Variants in ZNF12 observed in about 807,000 individuals in gnomAD.
ZNF12 encodes gonadotropin inducible transcription repressor 3.
Under a neutral mutation model 66.6 loss-of-function variants are expected in ZNF12, and 34 were observed. The ratio of observed to expected loss-of-function variants is 0.51; its 90% CI spans 0.39 to 0.68. ZNF12 has a LOEUF of 0.68. ZNF12 is among the 30% of genes least tolerant of loss of function. The probability of loss-of-function intolerance (pLI) is 0.00; values close to 1 mark genes in which losing one functional copy is unlikely to be tolerated. For synonymous variants in ZNF12, 320 were observed against 278.9 expected (o/e 1.15, Z -1.47); for missense variants, 697 against 826.9 (o/e 0.84, Z 1.93).
In ZNF12 at chr7:6,697,912, C is replaced by A. The variant is rs751519900; in HGVS notation, c.16-101G>T. On this transcript the variant is annotated intron_variant, in intron 2 of 4. Coordinates refer to ENST00000405858, the MANE Select transcript of ZNF12 (RefSeq NM_016265.4). The surrounding 1 kb of genome is among the most constrained non-coding windows in gnomAD (Gnocchi z 6.1). ...CAAAATTAACCATGAACACTGTATA[C>A]CTTTATTTTATGTTACAGACTGTCA... 2.3e-6 allele frequency: 3 copies of A among 1,291,786 alleles called. No homozygotes were observed. The highest frequency in any genetic ancestry group is 2.4e-5 in the South Asian group (2 of 84,540). The allele number at this position is 1,291,786 out of a possible 1,614,324, so 80.0% of individuals were successfully genotyped here. A position where few individuals can be genotyped will look rare whatever the true frequency, so the allele number is the denominator to read the frequency against.
At position 6,697,235 on chromosome 7, in the gene ZNF12, T is replaced by C; in HGVS notation, c.238+104A>G. 1 of 804,868 alleles carries C rather than the reference T, an allele frequency of 1.2e-6. No homozygotes were observed. Among genetic ancestry groups the C allele is most frequent in the Non-Finnish European group, 2.0e-6 (1 of 509,878 alleles). 49.9% of individuals were successfully genotyped at this position (804,868 alleles called of 1,614,324 possible). Reference sequence around the variant, plus strand: ...GTGAGATTCAGGTTCATAGAGCATATAAGCAACTATTTCTAGTCACTTCTA... The same window carrying C: ...GTGAGATTCAGGTTCATAGAGCATACAAGCAACTATTTCTAGTCACTTCTA... On this transcript the variant is annotated intron_variant, in intron 4 of 4. Transcript: ENST00000405858. The surrounding 1 kb of genome is among the most constrained non-coding windows in gnomAD (Gnocchi z 6.1).
At position 6,692,331 on chromosome 7, in the gene ZNF12, T is replaced by A. The variant is rs765953030; in HGVS notation, c.611A>T (p.Glu204Val). 6.2e-7 allele frequency: 1 copy of A among 1,609,738 alleles called. No individual in the cohort carries two copies. The highest frequency in any genetic ancestry group is 2.2e-5 in the East Asian group (1 of 44,848). Residue 204 changes from glutamate to valine, a missense_variant, in exon 5 of 5, where the codon GAA (glutamate) becomes GTA (valine). Physicochemically the swap from Glu to Val is moderately radical, Grantham distance 121. Transcript: ENST00000405858. The surrounding 1 kb of genome is among the most constrained non-coding windows in gnomAD (Gnocchi z 5.1). Reference protein sequence around the residue: ...QNGEPYTLNEESLYQKIRILE... With the variant: ...QNGEPYTLNEVSLYQKIRILE... Reference sequence around the variant, plus strand: ...AATACGAATTTTCTGATAAAGACTTTCTTCATTTAGAGTATAAGGTTCCCC... The same window carrying A: ...AATACGAATTTTCTGATAAAGACTTACTTCATTTAGAGTATAAGGTTCCCC...
At chr7:6,700,289 GA>G (rs71539971) in intron 2 of ZNF12, among the ~76,000 whole-genome samples, 8,442 of 119,194 alleles carry the variant, frequency 0.071, 679 homozygotes, top group East Asian at 0.3. Flanking sequence ...CGTCTGAGAG[GA>G]AAAAAAAAAA....
rs530042907 is a variant in ZNF12, at chr7:6,706,529, C to G, written c.-148G>C. 2 of 471,702 alleles carry G rather than the reference C, an allele frequency of 4.2e-6. No homozygotes were observed. Among genetic ancestry groups the G allele is most frequent in the African/African-American group, 4.0e-5 (2 of 50,510 alleles). 29.2% of individuals were successfully genotyped at this position (471,702 alleles called of 1,614,324 possible). ...GTCTGCTCGCGAGGTCCCTTCCTGT[C>G]CACCTCACCAAGGCCGTTCTGCTCC... On this transcript the variant is annotated 5_prime_UTR_variant, in exon 1 of 5. Coordinates refer to ENST00000405858, the MANE Select transcript of ZNF12 (RefSeq NM_016265.4).
chr7:6,695,822 T>C (rs1350408152), intron 4 of ZNF12, among the ~76,000 whole-genome samples: 1 of 151,706 alleles, frequency 6.6e-6, no homozygotes, highest in Non-Finnish European at 1.5e-5. Context: ...CAGGGAGGGG[T>C]TGAAGATTTG....
chr7:6,699,885 C>T (rs1312768020), intron 2 of ZNF12, among the ~76,000 whole-genome samples: 1 of 152,048 alleles, frequency 6.6e-6, no homozygotes, highest in African/African-American at 2.4e-5. Context: ...GTAAAGAGAC[C>T]ACATATATCT....
rs1780163825 is a variant in ZNF12, at chr7:6,696,981, A to C, written c.238+358T>G. ...GCACGGTAAAGATTAAAAAAAAAAAACCAGAAGTTACACGAAGAACACAAG... is the reference window on the plus strand; with the variant it reads ...GCACGGTAAAGATTAAAAAAAAAAACCCAGAAGTTACACGAAGAACACAAG... On this transcript the variant is annotated intron_variant, in intron 4 of 4. Transcript: ENST00000405858. This position sits in a 1 kb window ranked among gnomAD's most constrained non-coding sequence, Gnocchi z 4.0. 6.6e-6 allele frequency among the ~76,000 whole-genome samples: 1 copy of C among 151,814 alleles called. No individual in the cohort carries two copies. Among genetic ancestry groups the C allele is most frequent in the African/African-American group, 2.4e-5 (1 of 41,262 alleles).
In ZNF12 at chr7:6,692,902, C is replaced by T. The variant is rs927983304; in HGVS notation, c.239-199G>A. ...ACACACACAAACACACACACACACACACATCCCCCTCTAGGAATGGAGAAA... is the reference window on the plus strand; with the variant it reads ...ACACACACAAACACACACACACACATACATCCCCCTCTAGGAATGGAGAAA... On this transcript the variant is annotated intron_variant, in intron 4 of 4. Transcript: ENST00000405858. The surrounding 1 kb of genome is among the most constrained non-coding windows in gnomAD (Gnocchi z 5.1). Among the ~76,000 whole-genome samples, 5 of 152,096 alleles carry T rather than the reference C, an allele frequency of 3.3e-5. No homozygotes were observed. The highest frequency in any genetic ancestry group is 6.6e-5 in the Admixed American group (1 of 15,264).
intron 4 of ZNF12, among the ~76,000 whole-genome samples, chr7:6,693,811 C>G (rs1780112272): frequency 1.3e-5 from 2 of 152,206 alleles, no homozygotes; most frequent in South Asian, 4.1e-4. Flanking sequence ...ATACTACCAT[C>G]ACTTAATTCT....
In ZNF12 at chr7:6,696,223, G is replaced by T. The variant is rs554334597; in HGVS notation, c.238+1116C>A. ...AAACTGAGGATATACAGAGGACAAT[G>T]AAGACATTTCACACTGGACAAAATC... On this transcript the variant is annotated intron_variant, in intron 4 of 4. Coordinates refer to ENST00000405858, the MANE Select transcript of ZNF12 (RefSeq NM_016265.4). This position sits in a 1 kb window ranked among gnomAD's most constrained non-coding sequence, Gnocchi z 4.0. Among the ~76,000 whole-genome samples, 2 of 152,310 alleles carry T rather than the reference G, an allele frequency of 1.3e-5. No homozygotes were observed. The highest frequency in any genetic ancestry group is 2.9e-5 in the Non-Finnish European group (2 of 68,020).
rs187392885 is a variant in ZNF12, at chr7:6,689,060, C to A, written c.*1788G>T. 1 of 152,670 alleles carries A rather than the reference C, an allele frequency of 6.6e-6. No homozygotes were observed. The highest frequency in any genetic ancestry group is 1.9e-4 in the East Asian group (1 of 5,190). 9.5% of individuals were successfully genotyped at this position (152,670 alleles called of 1,614,324 possible). On this transcript the variant is annotated 3_prime_UTR_variant, in exon 5 of 5. Coordinates refer to ENST00000405858, the MANE Select transcript of ZNF12 (RefSeq NM_016265.4). ...TAAATGACTTACCTAAAGTCCACTT[C>A]TGAACTGCATAACTCCTATAAAGGT...
rs549649496 is a variant in ZNF12, at chr7:6,697,983, A to G, written c.16-172T>C. ...AAATACACTGTTCTGGGGTTCATTC[A>G]GTATACATCAAACAAAAAACAAAAA... On this transcript the variant is annotated intron_variant, in intron 2 of 4. Coordinates refer to ENST00000405858, the MANE Select transcript of ZNF12 (RefSeq NM_016265.4). The surrounding 1 kb of genome is among the most constrained non-coding windows in gnomAD (Gnocchi z 6.1). The G allele has an allele frequency of 6.0e-5, 53 of 890,312 alleles. No individual in the cohort carries two copies. In the East Asian group the frequency reaches 1.2e-3, roughly 21 times the overall value. The allele number at this position is 890,312 out of a possible 1,614,324, so 55.2% of individuals were successfully genotyped here. A position where few individuals can be genotyped will look rare whatever the true frequency, so the allele number is the denominator to read the frequency against.
intron 2 of ZNF12, among the ~76,000 whole-genome samples, chr7:6,702,253 C>A (rs975881126): frequency 2.0e-5 from 3 of 149,418 alleles, no homozygotes; most frequent in Middle Eastern, 3.2e-3. Context: ...TCCTCCTTCT[C>A]TACCAGACTG....
At chr7:6,702,643 A>C (rs146252449) in intron 2 of ZNF12, among the ~76,000 whole-genome samples, 4 of 4 alleles carry the variant, frequency 1, 2 homozygotes, top group Non-Finnish European at 1. Flanking sequence ...CTCCCAAACT[A>C]CACACACACA....
chr7:6,701,485 CAGTA>C (rs1481234214), intron 2 of ZNF12, among the ~76,000 whole-genome samples: 1 of 152,108 alleles, frequency 6.6e-6, no homozygotes, highest in East Asian at 1.9e-4. Context: ...TGAGAAACAC[CAGTA>C]TCATGACACA....
chr7:6,691,640 C>T lies in ZNF12; in HGVS notation c.1302G>A (p.Glu434=), dbSNP rs761801410. The part of the protein sequence containing the change: ...LTTHLRTHTG[E]KPYECNECGK... The stretch of plus-strand genomic sequence containing the variant: ...CACACTCATTACATTCATACGGTTT[C>T]TCTCCTGTGTGGGTCCTCAGGTGGG... Residue 434 remains glutamate, a synonymous_variant, in exon 5 of 5, where the codon GAG becomes GAA. Coordinates refer to ENST00000405858, the MANE Select transcript of ZNF12 (RefSeq NM_016265.4). The T allele has an allele frequency of 1.9e-6, 3 of 1,614,050 alleles. No individual in the cohort carries two copies. In the Admixed American group the frequency reaches 5.0e-5, roughly 27 times the overall value.
rs3839710 is a variant in ZNF12 at position 6,692,886 on chromosome 7, AAC to A, written c.239-185_239-184del. Among the ~76,000 whole-genome samples the A allele has an allele frequency of 9.1e-4, 137 of 149,818 alleles. 3 individuals are homozygous for A. The highest frequency in any genetic ancestry group is 6.5e-3 in the Admixed American group (98 of 15,024). ...TTTTGCTTAAAATTACACACACACA[AAC>A]ACACACACACACACACATCCCCCTC... On this transcript the variant is annotated intron_variant, in intron 4 of 4. Transcript: ENST00000405858. The surrounding 1 kb of genome is among the most constrained non-coding windows in gnomAD (Gnocchi z 5.1).
At chr7:6,699,527 G>A (rs554919473) in intron 2 of ZNF12, among the ~76,000 whole-genome samples, 2 of 152,246 alleles carry the variant, frequency 1.3e-5, no homozygotes, top group African/African-American at 4.8e-5. Context: ...AGCAGGTGAT[G>A]AGAACTTCCT....
chr7:6,694,804 C>T (rs1309885006), intron 4 of ZNF12, among the ~76,000 whole-genome samples: 3 of 152,104 alleles, frequency 2.0e-5, no homozygotes, highest in African/African-American at 7.2e-5. Flanking sequence ...ACCTCAATTC[C>T]ATTTCCCCTT....
Sources: gnomAD v4.1 joint callset for allele counts (sites outside exome capture counted in the v4.1 genomes callset) on GRCh38, gnomAD v4.1.1 for gene constraint, Gnocchi (gnomAD v3.1) non-coding constraint, MANE v1.5 for transcripts, NCBI Gene and HGNC (gene_info 2026-07-23, HGNC 2026-07-21) for gene names.